Variants in TMPRSS6 observed in about 807,000 individuals in gnomAD.
TMPRSS6 encodes the protein transmembrane protease serine 6.
A neutral mutation model predicts 101.5 loss-of-function variants in TMPRSS6; 67 were observed. The ratio of observed to expected loss-of-function variants is 0.66; its 90% CI spans 0.54 to 0.81. The LOEUF (loss-of-function observed/expected upper bound fraction) is 0.81, where lower values mean the gene tolerates loss of function less well. Among genes scored for constraint, TMPRSS6 ranks in the 30% least tolerant of loss-of-function variants. The pLI, the probability that TMPRSS6 is intolerant of heterozygous loss-of-function variation, is 0.00. For missense variants in TMPRSS6, 1,034 were observed against 1,088.7 expected (o/e 0.95, Z 0.71); for synonymous variants, 453 against 464.9 (o/e 0.97, Z 0.33).
At chr22:37,097,640 G>T (rs1193928238) in intron 3 of TMPRSS6, among the ~76,000 whole-genome samples, 1 of 152,034 alleles carries the variant, frequency 6.6e-6, no homozygotes, top group Non-Finnish European at 1.5e-5. Flanking sequence ...CCACCATCCT[G>T]TAACAGAGGG....
intron 10 of TMPRSS6, chr22:37,083,975 A>C (rs915500997): frequency 7.3e-6 from 4 of 544,798 alleles, no homozygotes; most frequent in Non-Finnish European, 9.8e-6. Flanking sequence ...TGAAGGATTG[A>C]GGGTGCCAGA....
intron 7 of TMPRSS6, among the ~76,000 whole-genome samples, chr22:37,087,674 G>A (rs995840336): frequency 1.1e-4 from 17 of 150,956 alleles, no homozygotes; most frequent in South Asian, 2.1e-4. Context: ...CAACCACACC[G>A]GTGCCCCCCA....
chr22:37,089,557 C>A, intron 7 of TMPRSS6, 21 bp downstream of exon 7: 1 of 1,563,462 alleles, frequency 6.4e-7, no homozygotes, highest in Non-Finnish European at 8.7e-7. Context: ...CTCCCTCCTG[C>A]CCTCCTTCCC....
At position 37,075,135 on chromosome 22, in the gene TMPRSS6, G is replaced by A. The variant is rs1313271879; in HGVS notation, c.1342C>T (p.Pro448Ser). The A allele has an allele frequency of 1.2e-6, 2 of 1,613,722 alleles. No homozygotes were observed. The highest frequency in any genetic ancestry group is 2.7e-5 in the African/African-American group (2 of 75,048). Reference sequence around the variant, plus strand: ...GGTTCCCCCGGCTGCCCATACTCACGGTCCGACTGGTTGTACAAGCCATAG... The same window carrying A: ...GGTTCCCCCGGCTGCCCATACTCACAGTCCGACTGGTTGTACAAGCCATAG... ...VHYGLYNQSD[P>S]CPGEFLCSVN... Residue 448 changes from proline (P) to serine (S), a missense_variant and splice_region_variant, in exon 11 of 18, where the codon CCC becomes TCC. By Grantham distance (74) the Pro-to-Ser change is moderately conservative. Coordinates refer to ENST00000676104, the MANE Select transcript of TMPRSS6 (RefSeq NM_001374504.1).
intron 7 of TMPRSS6, among the ~76,000 whole-genome samples, chr22:37,087,389 G>A (rs533402061): frequency 1.3e-4 from 20 of 152,324 alleles, no homozygotes; most frequent in Admixed American, 1.0e-3. Context: ...CTTGGCAAGC[G>A]AGTACCTGAG....
At chr22:37,079,005 G>GAAAGAAAGAA (rs1569006328) in intron 10 of TMPRSS6, among the ~76,000 whole-genome samples, 56 of 151,590 alleles carry the variant, frequency 3.7e-4, no homozygotes, top group African/African-American at 1.3e-3. Context: ...AAGAAAGAAA[G>GAAAGAAAGAA]AAAGAAAGAA....
chr22:37,070,329 G>A (rs1380164865), intron 15 of TMPRSS6, among the ~76,000 whole-genome samples, 155 bp downstream of exon 15: 1 of 152,208 alleles, frequency 6.6e-6, no homozygotes, highest in African/African-American at 2.4e-5. Flanking sequence ...GAAGGTCCTG[G>A]TGGAGCCAGG....
chr22:37,104,908 C>G (rs1930614228), intron 1 of TMPRSS6, among the ~76,000 whole-genome samples: 1 of 151,228 alleles, frequency 6.6e-6, no homozygotes, highest in Admixed American at 6.6e-5. Flanking sequence ...TTGCAGTGAG[C>G]TGAGATCATG....
intron 16 of TMPRSS6, among the ~76,000 whole-genome samples, chr22:37,067,850 C>T (rs896193571): frequency 2.0e-5 from 3 of 152,016 alleles, no homozygotes; most frequent in Admixed American, 6.6e-5. Context: ...GGTTGCTCCT[C>T]GCCCAAGGCC....
intron 10 of TMPRSS6, among the ~76,000 whole-genome samples, chr22:37,077,583 C>A (rs1308332158): frequency 1.3e-5 from 2 of 152,184 alleles, no homozygotes; most frequent in Non-Finnish European, 2.9e-5. Context: ...GACATCGGGA[C>A]TGATTGAACT....
chr22:37,065,966 A>C lies in TMPRSS6; in HGVS notation c.*114T>G. On this transcript the variant is annotated 3_prime_UTR_variant, in exon 18 of 18. Coordinates refer to ENST00000676104, the MANE Select transcript of TMPRSS6 (RefSeq NM_001374504.1). The stretch of plus-strand genomic sequence containing the variant: ...AGACAAGATGCCACCTCCTGCCACC[A>C]CAGGGCCTGCTCTCTCCCCCACCCC... 1 of 1,392,006 alleles carries C rather than the reference A, an allele frequency of 7.2e-7. No homozygotes were observed. The highest frequency in any genetic ancestry group is 1.0e-6 in the Non-Finnish European group (1 of 994,142). 86.2% of individuals were successfully genotyped at this position (1,392,006 alleles called of 1,614,324 possible).
rs1926203385 is a variant in TMPRSS6, at chr22:37,065,655, G to C, written c.*425C>G. The stretch of plus-strand genomic sequence containing the variant: ...CCTTCCATTCCCAGATCCCAAGTTA[G>C]ACCAGGGGCTTCCGAAGCTGGAATC... On this transcript the variant is annotated 3_prime_UTR_variant, in exon 18 of 18. Transcript: ENST00000676104. 2 of 195,966 alleles carry C rather than the reference G, an allele frequency of 1.0e-5. No homozygotes were observed. The highest frequency in any genetic ancestry group is 2.0e-4 in the South Asian group (2 of 9,838). The allele number at this position is 195,966 out of a possible 1,614,324, so 12.1% of individuals were successfully genotyped here.
intron 16 of TMPRSS6, among the ~76,000 whole-genome samples, chr22:37,068,193 G>T (rs971668113): frequency 6.6e-6 from 1 of 151,744 alleles, no homozygotes; most frequent in Non-Finnish European, 1.5e-5. Context: ...CTAACCCCAC[G>T]CCTGGTACGT....
chr22:37,079,705 A>G lies in TMPRSS6; in HGVS notation c.1197-4425T>C, dbSNP rs566894452. On this transcript the variant is annotated intron_variant, in intron 10 of 17. Transcript: ENST00000676104. ...AGCAAGCTTTAGTTTTCACATTTGT[A>G]AAACAGGGGTGATCGTATCTCCCTT... 5.7e-4 allele frequency among the ~76,000 whole-genome samples: 87 copies of G among 152,372 alleles called. 1 individual carries two copies. The highest frequency in any genetic ancestry group is 2.0e-3 in the African/African-American group (82 of 41,596).
intron 3 of TMPRSS6, among the ~76,000 whole-genome samples, chr22:37,097,620 G>GTC (rs1569023027): frequency 2.6e-5 from 4 of 152,208 alleles, no homozygotes; most frequent in Non-Finnish European, 5.9e-5. Context: ...ACCAGCCTCC[G>GTC]TGCAGTGAGC....
intron 5 of TMPRSS6, 30 bp from the exon 6 acceptor site, chr22:37,095,622 AC>A (rs1192588401): frequency 1.3e-6 from 2 of 1,541,822 alleles, no homozygotes; most frequent in Admixed American, 1.9e-5. Context: ...AAACAAATAA[AC>A]AAGAACAAAA....
At chr22:37,087,587 C>T (rs1047337990) in intron 7 of TMPRSS6, among the ~76,000 whole-genome samples, 1 of 152,034 alleles carries the variant, frequency 6.6e-6, no homozygotes, top group Admixed American at 6.5e-5. Context: ...AGGCACCACC[C>T]CCCTCACCCC....
At position 37,066,150 on chromosome 22, in the gene TMPRSS6, C is replaced by T. The variant is rs371014130; in HGVS notation, c.2339G>A (p.Arg780Gln). 8.0e-5 allele frequency: 129 copies of T among 1,613,282 alleles called. No individual in the cohort carries two copies. The highest frequency in any genetic ancestry group is 5.6e-4 in the East Asian group (25 of 44,882). ...GLVSWGLGCG[R>Q]PNYFGVYTRI... ...GGTGTAGACGCCGAAGTAGTTAGGC[C>T]GGCCACAGCCCAGGCCCCAGCTGAC... Residue 780 changes from arginine (R) to glutamine (Q), a missense_variant, in exon 18 of 18, where the codon CGG becomes CAG. Transcript: ENST00000676104.
intron 6 of TMPRSS6, among the ~76,000 whole-genome samples, chr22:37,094,645 A>G (rs1929594030): frequency 1.3e-5 from 2 of 152,212 alleles, no homozygotes; most frequent in African/African-American, 4.8e-5. Context: ...TATTTGACAC[A>G]TGGTCACTCT....
Sources: allele counts gnomAD v4.1 joint callset (sites outside exome capture counted in the v4.1 genomes callset), GRCh38; gene constraint gnomAD v4.1.1; transcripts MANE v1.5; gene names NCBI Gene and HGNC (gene_info 2026-07-23, HGNC 2026-07-21).